NBN: variants seen among roughly 807,000 people sequenced by gnomAD.
NBN encodes the protein nibrin, also known as Nijmegen breakage syndrome 1 (nibrin).
A neutral mutation model predicts 90.8 loss-of-function variants in NBN; 88 were observed. The observed-to-expected ratio is 0.97, with a 90% CI of 0.82 to 1.16. The LOEUF (loss-of-function observed/expected upper bound fraction) is 1.16. Among genes scored for constraint, NBN ranks in the 50% most tolerant of loss-of-function variants. The pLI is 0.00. For missense variants in NBN, 894 were observed against 869.6 expected, an observed-to-expected ratio of 1.03 and a Z score of -0.35; for synonymous variants, 328 against 295.1, an observed-to-expected ratio of 1.11 and a Z score of -1.14.
chr8:89,982,070 T>C (rs918194524), intron 2 of NBN: 1 of 553,458 alleles, frequency 1.8e-6, no homozygotes, highest in Non-Finnish European at 2.9e-6. Flanking sequence ...CAATCTTTGA[T>C]TAAAATAATG....
chr8:89,953,094 T>C (rs1242560658), intron 11 of NBN, 150 bp downstream of exon 11: 1 of 624,298 alleles, frequency 1.6e-6, no homozygotes. Flanking sequence ...ACTTTTAACA[T>C]TTACCATTTA....
Position 89,955,534 on chromosome 8 carries a change from T to G in NBN, c.1146A>C (p.Lys382Asn), listed in dbSNP as rs1554559357. ...ADTWDLSERP[K>N]EIKVSKMEQK... ...GTTCCATTTTGGAGACTTTGATTTC[T>G]TTTGGCCTTTCACTCAAATCCCTGT... The change falls in exon 10 of 16, where the codon AAA becomes AAC. Residue 382 changes from lysine to asparagine, a missense_variant. Physicochemically the swap from Lys to Asn is moderately conservative, Grantham distance 94. Coordinates refer to ENST00000265433, the MANE Select transcript of NBN (RefSeq NM_002485.5). 1 of 1,613,412 alleles carries G rather than the reference T, an allele frequency of 6.2e-7. No individual in the cohort carries two copies. The highest frequency in any genetic ancestry group is 8.5e-7 in the Non-Finnish European group (1 of 1,179,710).
intron 3 of NBN, 112 bp from the exon 4 acceptor site, chr8:89,981,005 T>C: frequency 1.1e-6 from 1 of 940,092 alleles, no homozygotes. Flanking sequence ...GTAACTTTTA[T>C]TTATTGTTAC....
At chr8:89,976,225 T>C (rs117336080) in intron 5 of NBN, among the ~76,000 whole-genome samples, 4,579 of 152,214 alleles carry the variant, frequency 0.03, 109 homozygotes, top group Non-Finnish European at 0.047. Flanking sequence ...CTGCCTACCT[T>C]GGCATCCCGA....
chr8:89,937,323 G>A, intron 14 of NBN: 1 of 502,072 alleles, frequency 2.0e-6, no homozygotes, highest in Non-Finnish European at 3.6e-6. Flanking sequence ...ACAACCAATA[G>A]TATATTGCTA....
intron 14 of NBN, among the ~76,000 whole-genome samples, chr8:89,939,870 T>C (rs998512275): frequency 1.3e-5 from 2 of 152,142 alleles, no homozygotes; most frequent in African/African-American, 2.4e-5. Flanking sequence ...CTCTTTTATA[T>C]AGGGCACACT....
chr8:89,983,129 T>C (rs1386112559), intron 1 of NBN, among the ~76,000 whole-genome samples: 1 of 152,040 alleles, frequency 6.6e-6, no homozygotes, highest in African/African-American at 2.4e-5. Context: ...GAAAAAAAGG[T>C]TATCTAAACA....
At chr8:89,981,262 AAG>A in intron 3 of NBN, 111 bp downstream of exon 3, 1 of 1,187,962 alleles carries the variant, frequency 8.4e-7, no homozygotes. Context: ...ATACTGTGCT[AAG>A]CAGGAACTAA....
At chr8:89,941,574 C>T (rs533345901) in intron 14 of NBN, among the ~76,000 whole-genome samples, 1 of 152,312 alleles carries the variant, frequency 6.6e-6, no homozygotes, top group Non-Finnish European at 1.5e-5. Context: ...GCAATGCCTT[C>T]AGTTTAACTT....
In NBN at chr8:89,958,789, G is replaced by A. The variant is rs1064794336; in HGVS notation, c.1060C>T (p.Pro354Ser). ...QGVSVDEKLM[P>S]SAPVNTTTYV... ...GTTGTAGTGTTCACTGGGGCGCTTG[G>A]CATTAGTTTTTCATCAACTGACACG... The change falls in exon 9 of 16, where the codon CCA becomes TCA. Residue 354 changes from proline (P) to serine (S), a missense_variant. Pro to Ser is a moderately conservative substitution (Grantham distance 74). Transcript: ENST00000265433. 1.9e-6 allele frequency: 3 copies of A among 1,614,064 alleles called. No homozygotes were observed. The highest frequency in any genetic ancestry group is 2.5e-6 in the Non-Finnish European group (3 of 1,179,956).
chr8:89,976,984 C>T (rs1240254956), intron 5 of NBN, among the ~76,000 whole-genome samples: 1 of 152,070 alleles, frequency 6.6e-6, no homozygotes, highest in Non-Finnish European at 1.5e-5. Flanking sequence ...AACATTAAGC[C>T]AAATAGCTTA....
chr8:89,941,672 T>C (rs1485357741), intron 14 of NBN, among the ~76,000 whole-genome samples: 2 of 152,206 alleles, frequency 1.3e-5, no homozygotes, highest in Non-Finnish European at 2.9e-5. Flanking sequence ...TATTGTTCAC[T>C]TAACTGTTTA....
In NBN at chr8:89,937,172, C is replaced by G. The variant is rs929394881; in HGVS notation, c.2185-97G>C. 3 of 1,181,346 alleles carry G rather than the reference C, an allele frequency of 2.5e-6. No individual in the cohort carries two copies. The African/African-American group carries it at 4.5e-5, about 18-fold the overall frequency. The allele number at this position is 1,181,346 out of a possible 1,614,324, so 73.2% of individuals were successfully genotyped here. On this transcript the variant is annotated intron_variant, in intron 14 of 15. Transcript: ENST00000265433. ...AGGTCACTGTCATCTTAGAGATTTC[C>G]ACATCCTGGAGGTCACCACATCTGA...
In NBN at chr8:89,964,129, G is replaced by A. The variant is rs554270242; in HGVS notation, c.994+281C>T. 4.6e-5 allele frequency among the ~76,000 whole-genome samples: 7 copies of A among 152,006 alleles called. No individual in the cohort carries two copies. The East Asian group carries it at 1.4e-3, about 29-fold the overall frequency. On this transcript the variant is annotated intron_variant, in intron 8 of 15. Coordinates refer to ENST00000265433, the MANE Select transcript of NBN (RefSeq NM_002485.5). ...CCTGTCTTTATACTTGGCTTGATCTGAACTTACCATGTGTGTGTGTTTGGT... is the reference window on the plus strand; with the variant it reads ...CCTGTCTTTATACTTGGCTTGATCTAAACTTACCATGTGTGTGTGTTTGGT...
chr8:89,933,894 A>C lies in NBN; in HGVS notation c.*1688T>G. ...TTTCTATGACCCAATTATAGCTATCAGGGATATACAAATTAAAACCAAAAT... is the reference window on the plus strand; with the variant it reads ...TTTCTATGACCCAATTATAGCTATCCGGGATATACAAATTAAAACCAAAAT... On this transcript the variant is annotated 3_prime_UTR_variant, in exon 16 of 16. Coordinates refer to ENST00000265433, the MANE Select transcript of NBN (RefSeq NM_002485.5). The C allele has an allele frequency of 4.3e-6, 1 of 232,220 alleles. No homozygotes were observed. Among genetic ancestry groups the C allele is most frequent in the Non-Finnish European group, 8.5e-6 (1 of 117,456 alleles). 14.4% of individuals were successfully genotyped at this position (232,220 alleles called of 1,614,324 possible).
chr8:89,942,377 A>G (rs1331292277), intron 14 of NBN, among the ~76,000 whole-genome samples: 1 of 152,212 alleles, frequency 6.6e-6, no homozygotes, highest in African/African-American at 2.4e-5. Context: ...ACTCGAAGAT[A>G]GAAAACGTAT....
rs1198614767 is a variant in NBN at position 89,978,239 on chromosome 8, G to C, written c.565C>G (p.Gln189Glu). 1.2e-6 allele frequency: 2 copies of C among 1,605,926 alleles called. No homozygotes were observed. Among genetic ancestry groups the C allele is most frequent in the Non-Finnish European group, 1.7e-6 (2 of 1,172,784 alleles). Residue 189 changes from glutamine to glutamate, a missense_variant, in exon 5 of 16, where the codon CAG (glutamine) becomes GAG (glutamate). Transcript: ENST00000265433. ...ATATACCTTTCAATTTGTGGAGGCT[G>C]CTTCTTGGACTCAACTGCTTTCAGG... ...EFLKAVESKK[Q>E]PPQIESFYPP...
At position 89,933,365 on chromosome 8, in the gene NBN, C is replaced by T. The variant is rs2130730943; in HGVS notation, c.*2217G>A. On this transcript the variant is annotated 3_prime_UTR_variant, in exon 16 of 16. Coordinates refer to ENST00000265433, the MANE Select transcript of NBN (RefSeq NM_002485.5). ...TACATTGCGTTTATTACAATGTAAT[C>T]CCAACTTAAGGAGCATCTATGCAGC... 1 of 218,692 alleles carries T rather than the reference C, an allele frequency of 4.6e-6. No individual in the cohort carries two copies. The highest frequency in any genetic ancestry group is 1.9e-4 in the South Asian group (1 of 5,398). 13.5% of individuals were successfully genotyped at this position (218,692 alleles called of 1,614,324 possible). A position where few individuals can be genotyped will look rare whatever the true frequency, so the allele number is the denominator to read the frequency against.
chr8:89,980,805 C>T lies in NBN; in HGVS notation c.409G>A (p.Gly137Arg). The T allele has an allele frequency of 6.2e-7, 1 of 1,613,416 alleles. No homozygotes were observed. The highest frequency in any genetic ancestry group is 1.7e-4 in the Middle Eastern group (1 of 6,056). ...TCTGTCCAATTGTTTACAGTAAATC[C>T]TCCAAGTTGCAATATAGCTTGATTT... is the stretch of plus-strand genomic sequence containing the variant. Reference protein sequence around the residue: ...ALNQAILQLGGFTVNNWTEEC... With the variant: ...ALNQAILQLGRFTVNNWTEEC... The change falls in exon 4 of 16, where the codon GGA becomes AGA. Residue 137 changes from glycine (G) to arginine (R), a missense_variant. Transcript: ENST00000265433.
Sources: gnomAD v4.1 joint callset for allele counts (sites outside exome capture counted in the v4.1 genomes callset) on GRCh38, gnomAD v4.1.1 for gene constraint, MANE v1.5 for transcripts, NCBI Gene and HGNC (gene_info 2026-07-23, HGNC 2026-07-21) for gene names.